Variants in ASB13 observed in about 807,000 individuals in gnomAD.
ASB13 encodes the protein ankyrin repeat and SOCS box protein 13.
In ASB13, 33 loss-of-function variants were observed where a neutral mutation model predicts 28.8. That is an observed-to-expected ratio of 1.15 (90% confidence interval 0.87 to 1.53). ASB13 has a LOEUF of 1.53. Among genes scored for constraint, ASB13 ranks in the 40% most tolerant of loss-of-function variants. The pLI, the probability that ASB13 is intolerant of heterozygous loss-of-function variation, is 0.00. For synonymous variants in ASB13, 182 were observed against 172.9 expected (o/e 1.05, Z -0.41); for missense variants, 414 against 390.1 (o/e 1.06, Z -0.52).
In ASB13 at chr10:5,651,353, C is replaced by A; in HGVS notation, c.242G>T (p.Arg81Leu). 2 of 1,606,690 alleles carry A rather than the reference C, an allele frequency of 1.2e-6. No individual in the cohort carries two copies. The highest frequency in any genetic ancestry group is 1.7e-6 in the Non-Finnish European group (2 of 1,175,528). Residue 81 changes from arginine (R) to leucine (L), a missense_variant, in exon 3 of 6, where the codon CGC (arginine) becomes CTC (leucine). Physicochemically the swap from Arg to Leu is moderately radical, Grantham distance 102. Transcript: ENST00000357700. This position sits in a 1 kb window ranked among gnomAD's most constrained non-coding sequence, Gnocchi z 5.1. ...LLAAGAQVDA[R>L]NIDGSTPLCD... ...GAGCGGGGTGCTGCCGTCGATGTTGCGAGCATCCACCTCACGGGAGGAAGA... is the reference window on the plus strand; with the variant it reads ...GAGCGGGGTGCTGCCGTCGATGTTGAGAGCATCCACCTCACGGGAGGAAGA...
chr10:5,657,121 A>C (rs1588517346), intron 1 of ASB13, among the ~76,000 whole-genome samples: 1 of 152,354 alleles, frequency 6.6e-6, no homozygotes, highest in East Asian at 1.9e-4. Flanking sequence ...TTTCTAGTGA[A>C]TCACATCAGC....
At position 5,641,991 on chromosome 10, in the gene ASB13, A is replaced by G. The variant is rs1834815410; in HGVS notation, c.518-30T>C. 5.7e-6 allele frequency: 9 copies of G among 1,583,810 alleles called. No homozygotes were observed. Among genetic ancestry groups the G allele is most frequent in the Non-Finnish European group, 7.8e-6 (9 of 1,155,792 alleles). On this transcript the variant is annotated intron_variant, in intron 4 of 5. Coordinates refer to ENST00000357700, the MANE Select transcript of ASB13 (RefSeq NM_024701.4). This position sits in a 1 kb window ranked among gnomAD's most constrained non-coding sequence, Gnocchi z 8.4. ...AGGTCAAGAGTGCAGAAGAGATTTC[A>G]CCAAGAAGAGAACTTGAAGTCAGGG... is the stretch of plus-strand genomic sequence containing the variant.
In ASB13 at chr10:5,644,646, C is replaced by T. The variant is rs972445963; in HGVS notation, c.518-2685G>A. 6.6e-6 allele frequency among the ~76,000 whole-genome samples: 1 copy of T among 152,042 alleles called. No individual in the cohort carries two copies. Among genetic ancestry groups the T allele is most frequent in the Non-Finnish European group, 1.5e-5 (1 of 68,016 alleles). On this transcript the variant is annotated intron_variant, in intron 4 of 5. Coordinates refer to ENST00000357700, the MANE Select transcript of ASB13 (RefSeq NM_024701.4). The surrounding 1 kb of genome is among the most constrained non-coding windows in gnomAD (Gnocchi z 5.1). ...CAGCCTAGCCAATATGGTGAAACCT[C>T]GTCTCTACTAAAAATCCAAAAATTA...
chr10:5,640,798 C>T lies in ASB13; in HGVS notation c.742G>A (p.Val248Met), dbSNP rs777386603. The change falls in exon 6 of 6, where the codon GTG (valine) becomes ATG (methionine). Residue 248 changes from valine to methionine, a missense_variant. Transcript: ENST00000357700. ...TPLTLSQLCR[V>M]NLRKATGVRG... is the part of the protein sequence containing the mutation. ...ACGCCAGTGGCCTTCCTCAAGTTCACCCTGCAGAGCTGTGACAGAGTCAGA... is the reference window on the plus strand; with the variant it reads ...ACGCCAGTGGCCTTCCTCAAGTTCATCCTGCAGAGCTGTGACAGAGTCAGA... 3 of 1,614,118 alleles carry T rather than the reference C, an allele frequency of 1.9e-6. No homozygotes were observed. Among genetic ancestry groups the T allele is most frequent in the Non-Finnish European group, 2.5e-6 (3 of 1,180,030 alleles).
In ASB13 at chr10:5,660,349, T is replaced by C. The variant is rs949468258; in HGVS notation, c.43+6160A>G. On this transcript the variant is annotated intron_variant, in intron 1 of 5. Coordinates refer to ENST00000357700, the MANE Select transcript of ASB13 (RefSeq NM_024701.4). This position sits in a 1 kb window ranked among gnomAD's most constrained non-coding sequence, Gnocchi z 6.1. ...TTCTGGACCCCAGCTCCTCTTCCCC[T>C]CTCTTGCCCCTTTGCTGGGGCCCCG... 1.3e-5 allele frequency among the ~76,000 whole-genome samples: 2 copies of C among 152,086 alleles called. No individual in the cohort carries two copies. The highest frequency in any genetic ancestry group is 2.4e-5 in the African/African-American group (1 of 41,414).
In ASB13 at chr10:5,649,174, CGGCAGG is replaced by C. The variant is rs1185311310; in HGVS notation, c.383-76_383-71del. 5 of 1,593,206 alleles carry C rather than the reference CGGCAGG, an allele frequency of 3.1e-6. No homozygotes were observed. The East Asian group carries it at 9.0e-5, about 29-fold the overall frequency. Reference sequence around the variant, plus strand: ...ACTGGAGACAACAAGCACACAGACGCGGCAGGGGCAGCAGCCTCCATCCTTGGTGCA... The same window carrying C: ...ACTGGAGACAACAAGCACACAGACGCGGCAGCAGCCTCCATCCTTGGTGCA... On this transcript the variant is annotated intron_variant, in intron 3 of 5. Transcript: ENST00000357700. This position sits in a 1 kb window ranked among gnomAD's most constrained non-coding sequence, Gnocchi z 6.4.
At chr10:5,657,003 G>A (rs765074510) in intron 1 of ASB13, among the ~76,000 whole-genome samples, 2 of 152,142 alleles carry the variant, frequency 1.3e-5, no homozygotes, top group Non-Finnish European at 1.5e-5. Context: ...TGGCTTTTGA[G>A]CAGTAAGCAG....
chr10:5,648,518 G>T (rs61832719), intron 4 of ASB13, among the ~76,000 whole-genome samples: 9,320 of 108,636 alleles, frequency 0.086, 895 homozygotes, highest in Non-Finnish European at 0.11. Flanking sequence ...AAACACCCAC[G>T]CGGGCAAACA....
In ASB13 at chr10:5,661,350, C is replaced by G. The variant is rs559057869; in HGVS notation, c.43+5159G>C. Among the ~76,000 whole-genome samples, 1 of 152,356 alleles carries G rather than the reference C, an allele frequency of 6.6e-6. No homozygotes were observed. Among genetic ancestry groups the G allele is most frequent in the Admixed American group, 6.5e-5 (1 of 15,306 alleles). On this transcript the variant is annotated intron_variant, in intron 1 of 5. Transcript: ENST00000357700. This position sits in a 1 kb window ranked among gnomAD's most constrained non-coding sequence, Gnocchi z 4.9. The stretch of plus-strand genomic sequence containing the variant: ...CCCCGCCCCGCCGAGCCTGGGGCCT[C>G]TCCAGGGTCAGGGCCCACTCCAACA...
intron 1 of ASB13, among the ~76,000 whole-genome samples, chr10:5,657,332 CA>C (rs1005833143): frequency 4.0e-5 from 6 of 150,120 alleles, no homozygotes; most frequent in Non-Finnish European, 5.9e-5. Flanking sequence ...AACTCAAAAA[CA>C]AAAAAAACAA....
At position 5,642,933 on chromosome 10, in the gene ASB13, A is replaced by C. The variant is rs1564214532; in HGVS notation, c.518-972T>G. Among the ~76,000 whole-genome samples, 2 of 152,216 alleles carry C rather than the reference A, an allele frequency of 1.3e-5. No homozygotes were observed. Among genetic ancestry groups the C allele is most frequent in the South Asian group, 4.1e-4 (2 of 4,832 alleles). On this transcript the variant is annotated intron_variant, in intron 4 of 5. Coordinates refer to ENST00000357700, the MANE Select transcript of ASB13 (RefSeq NM_024701.4). The surrounding 1 kb of genome is among the most constrained non-coding windows in gnomAD (Gnocchi z 4.1). ...TGGCATTTTGCAACACACTAAAAAAAATTTTGATAAAAATATGATTTTTGT... is the reference window on the plus strand; with the variant it reads ...TGGCATTTTGCAACACACTAAAAAACATTTTGATAAAAATATGATTTTTGT...
At position 5,660,743 on chromosome 10, in the gene ASB13, T is replaced by C. The variant is rs761919474; in HGVS notation, c.43+5766A>G. On this transcript the variant is annotated intron_variant, in intron 1 of 5. Coordinates refer to ENST00000357700, the MANE Select transcript of ASB13 (RefSeq NM_024701.4). This position sits in a 1 kb window ranked among gnomAD's most constrained non-coding sequence, Gnocchi z 6.1. Reference sequence around the variant, plus strand: ...GTTCTACCATCTCATCTTTGTTCCATAGCAAGCCCCCCAATCTTGCATTCC... The same window carrying C: ...GTTCTACCATCTCATCTTTGTTCCACAGCAAGCCCCCCAATCTTGCATTCC... Among the ~76,000 whole-genome samples the C allele has an allele frequency of 1.3e-5, 2 of 152,224 alleles. No homozygotes were observed. The highest frequency in any genetic ancestry group is 4.8e-5 in the African/African-American group (2 of 41,458).
rs1325382164 is a variant in ASB13 at position 5,652,676 on chromosome 10, T to C, written c.231+187A>G. Among the ~76,000 whole-genome samples the C allele has an allele frequency of 6.6e-6, 1 of 152,166 alleles. No individual in the cohort carries two copies. The highest frequency in any genetic ancestry group is 1.5e-5 in the Non-Finnish European group (1 of 68,010). On this transcript the variant is annotated intron_variant, in intron 2 of 5. Coordinates refer to ENST00000357700, the MANE Select transcript of ASB13 (RefSeq NM_024701.4). The surrounding 1 kb of genome is among the most constrained non-coding windows in gnomAD (Gnocchi z 5.0). ...ATCAATTTGCTCAGGCTGCCCTTTC[T>C]TCCACCACCGTGACCTCCTAACAGC...
chr10:5,640,619 C>T lies in ASB13; in HGVS notation c.*84G>A. On this transcript the variant is annotated 3_prime_UTR_variant, in exon 6 of 6. Coordinates refer to ENST00000357700, the MANE Select transcript of ASB13 (RefSeq NM_024701.4). ...CGTTGTTCTATCTACAGCAATCACGCTGCTTCAGAGGAACAGGCAGAGCCC... is the reference window on the plus strand; with the variant it reads ...CGTTGTTCTATCTACAGCAATCACGTTGCTTCAGAGGAACAGGCAGAGCCC... The T allele has an allele frequency of 6.4e-7, 1 of 1,560,652 alleles. No individual in the cohort carries two copies. The highest frequency in any genetic ancestry group is 8.8e-7 in the Non-Finnish European group (1 of 1,137,134).
Position 5,652,734 on chromosome 10 carries a change from C to T in ASB13, c.231+129G>A. ...ACGAGCACTTCTCAGCCATGGGCTT[C>T]CTGGTACCTGTGTGCAGTGGACACA... On this transcript the variant is annotated intron_variant, in intron 2 of 5. Coordinates refer to ENST00000357700, the MANE Select transcript of ASB13 (RefSeq NM_024701.4). The surrounding 1 kb of genome is among the most constrained non-coding windows in gnomAD (Gnocchi z 5.0). 1 of 981,888 alleles carries T rather than the reference C, an allele frequency of 1.0e-6. No individual in the cohort carries two copies. Among genetic ancestry groups the T allele is most frequent in the Non-Finnish European group, 1.4e-6 (1 of 720,664 alleles). 60.8% of individuals were successfully genotyped at this position (981,888 alleles called of 1,614,324 possible).
rs557533705 is a variant in ASB13 at position 5,659,360 on chromosome 10, G to T, written c.44-6310C>A. Among the ~76,000 whole-genome samples, 30 of 152,278 alleles carry T rather than the reference G, an allele frequency of 2.0e-4. No homozygotes were observed. The highest frequency in any genetic ancestry group is 6.7e-4 in the African/African-American group (28 of 41,530). On this transcript the variant is annotated intron_variant, in intron 1 of 5. Transcript: ENST00000357700. This position sits in a 1 kb window ranked among gnomAD's most constrained non-coding sequence, Gnocchi z 5.8. ...ATGATTGACAAGCCAGTCTGACAGGGCCTGCTCACAAGGGCTCCCTCCTCC... is the reference window on the plus strand; with the variant it reads ...ATGATTGACAAGCCAGTCTGACAGGTCCTGCTCACAAGGGCTCCCTCCTCC...
In ASB13 at chr10:5,661,584, T is replaced by A. The variant is rs1835167021; in HGVS notation, c.43+4925A>T. 6.6e-6 allele frequency among the ~76,000 whole-genome samples: 1 copy of A among 152,100 alleles called. No homozygotes were observed. The highest frequency in any genetic ancestry group is 1.5e-5 in the Non-Finnish European group (1 of 68,006). ...ATCAGGGCTCACTGCAGCCTCAACC[T>A]CCTAGGTTCAAGTGATCCTCCCACC... On this transcript the variant is annotated intron_variant, in intron 1 of 5. Coordinates refer to ENST00000357700, the MANE Select transcript of ASB13 (RefSeq NM_024701.4). The surrounding 1 kb of genome is among the most constrained non-coding windows in gnomAD (Gnocchi z 4.9).
At position 5,649,512 on chromosome 10, in the gene ASB13, G is replaced by A. The variant is rs191351703; in HGVS notation, c.383-408C>T. Among the ~76,000 whole-genome samples, 43 of 151,244 alleles carry A rather than the reference G, an allele frequency of 2.8e-4. No individual in the cohort carries two copies. Among genetic ancestry groups the A allele is most frequent in the African/African-American group, 6.8e-4 (28 of 41,226 alleles). On this transcript the variant is annotated intron_variant, in intron 3 of 5. Transcript: ENST00000357700. The surrounding 1 kb of genome is among the most constrained non-coding windows in gnomAD (Gnocchi z 6.4). Reference sequence around the variant, plus strand: ...TGCAGGTCATCCTCCTGTGCACCACGGCAGCCGCCTCTCCTGCCTCTTTTT... The same window carrying A: ...TGCAGGTCATCCTCCTGTGCACCACAGCAGCCGCCTCTCCTGCCTCTTTTT...
Position 5,650,567 on chromosome 10 carries a change from C to G in ASB13, c.382+646G>C, listed in dbSNP as rs918584982. ...TAAGCCACAGTTTGCAACCTCTGCT[C>G]GAAAGAGTAGAATCTAAACTCCTTA... On this transcript the variant is annotated intron_variant, in intron 3 of 5. Coordinates refer to ENST00000357700, the MANE Select transcript of ASB13 (RefSeq NM_024701.4). This position sits in a 1 kb window ranked among gnomAD's most constrained non-coding sequence, Gnocchi z 6.0. Among the ~76,000 whole-genome samples, 1 of 152,210 alleles carries G rather than the reference C, an allele frequency of 6.6e-6. No homozygotes were observed. Among genetic ancestry groups the G allele is most frequent in the Non-Finnish European group, 1.5e-5 (1 of 68,034 alleles).
Sources: gnomAD v4.1 joint callset for allele counts (sites outside exome capture counted in the v4.1 genomes callset) on GRCh38, gnomAD v4.1.1 for gene constraint, Gnocchi (gnomAD v3.1) non-coding constraint, MANE v1.5 for transcripts, NCBI Gene and HGNC (gene_info 2026-07-23, HGNC 2026-07-21) for gene names.